INPP4B: variants seen among roughly 807,000 people sequenced by gnomAD.
INPP4B encodes inositol polyphosphate 4-phosphatase type II.
INPP4B carries 55 observed loss-of-function variants against 122.5 expected under a neutral mutation model. The observed-to-expected ratio is 0.45, with a 90% confidence interval of 0.36 to 0.56. The LOEUF is 0.56. Among genes scored for constraint, INPP4B ranks in the 20% least tolerant of loss-of-function variants. The pLI, the probability that INPP4B is intolerant of heterozygous loss-of-function variation, is 0.00. For synonymous variants in INPP4B, 403 were observed against 388.7 expected (o/e 1.04, Z -0.43); for missense variants, 1,000 against 1,097.7 (o/e 0.91, Z 1.26).
intron 2 of INPP4B, among the ~76,000 whole-genome samples, chr4:142,667,054 G>C (rs1461574588): frequency 6.6e-6 from 1 of 152,058 alleles, no homozygotes. Flanking sequence ...CTGTGGTCTG[G>C]CATTTGAAAG....
At chr4:142,354,194 T>G (rs1782839741) in intron 7 of INPP4B, among the ~76,000 whole-genome samples, 1 of 152,006 alleles carries the variant, frequency 6.6e-6, no homozygotes, top group African/African-American at 2.4e-5. Flanking sequence ...TCTAGCATAT[T>G]GGGTATCTTG....
rs1221470484 is a variant in INPP4B, at chr4:142,356,044, T to C, written c.373-41282A>G. Among the ~76,000 whole-genome samples, 2 of 151,510 alleles carry C rather than the reference T, an allele frequency of 1.3e-5. 1 individual carries two copies. Reference sequence around the variant, plus strand: ...TATGTAGTTTTATCCTCCCCAAATCTTTCATATTGATAAGGGCAAAAAATA... The same window carrying C: ...TATGTAGTTTTATCCTCCCCAAATCCTTCATATTGATAAGGGCAAAAAATA... On this transcript the variant is annotated intron_variant, in intron 7 of 25. Transcript: ENST00000262992.
At chr4:142,806,578 C>A (rs1049330528) in intron 1 of INPP4B, among the ~76,000 whole-genome samples, 3 of 150,128 alleles carry the variant, frequency 2.0e-5, no homozygotes, top group African/African-American at 7.4e-5. Context: ...CCCATCTCTA[C>A]AAAAAAATAC....
chr4:142,439,706 GC>G (rs1232614440), intron 3 of INPP4B, among the ~76,000 whole-genome samples: 1 of 152,148 alleles, frequency 6.6e-6, no homozygotes, highest in African/African-American at 2.4e-5. Context: ...TCAGCTTCTA[GC>G]CAAAATTTAA....
chr4:142,350,094 G>C (rs1312691078), intron 7 of INPP4B, among the ~76,000 whole-genome samples: 1 of 151,936 alleles, frequency 6.6e-6, no homozygotes, highest in East Asian at 1.9e-4. Context: ...ACATAAGAAA[G>C]AAAATTACCA....
At chr4:142,695,680 G>A (rs990432843) in intron 2 of INPP4B, among the ~76,000 whole-genome samples, 4 of 152,150 alleles carry the variant, frequency 2.6e-5, no homozygotes, top group Non-Finnish European at 4.4e-5. Flanking sequence ...CAACAGATAC[G>A]ATTTAATAAA....
intron 25 of INPP4B, chr4:142,029,911 T>A: frequency 6.5e-6 from 8 of 1,224,884 alleles, no homozygotes; most frequent in Non-Finnish European, 7.2e-6. Context: ...TTGAGCTAGT[T>A]AACAGTGGGA....
chr4:142,814,990 A>T (rs1301738076), intron 1 of INPP4B, among the ~76,000 whole-genome samples: 4 of 152,168 alleles, frequency 2.6e-5, no homozygotes, highest in African/African-American at 9.7e-5. Context: ...CTACCTTATC[A>T]GGTGATCAAG....
chr4:142,094,940 G>T (rs1490954146), intron 23 of INPP4B, among the ~76,000 whole-genome samples: 1 of 152,146 alleles, frequency 6.6e-6, no homozygotes, highest in African/African-American at 2.4e-5. Context: ...GAGGAAAGAG[G>T]TAATAAGAAT....
At chr4:142,402,422 T>C (rs1801931261) in intron 7 of INPP4B, among the ~76,000 whole-genome samples, 1 of 152,232 alleles carries the variant, frequency 6.6e-6, no homozygotes, top group African/African-American at 2.4e-5. Context: ...ACTGGGATTT[T>C]GCCTGGCCTT....
At chr4:142,035,742 G>T (rs1376039784) in intron 25 of INPP4B, among the ~76,000 whole-genome samples, 1 of 152,176 alleles carries the variant, frequency 6.6e-6, no homozygotes, top group Non-Finnish European at 1.5e-5. Context: ...TGGTTGCAAA[G>T]AATAGTTGAA....
At chr4:142,599,296 G>A (rs1739378243) in intron 2 of INPP4B, among the ~76,000 whole-genome samples, 1 of 152,116 alleles carries the variant, frequency 6.6e-6, no homozygotes, top group African/African-American at 2.4e-5. Context: ...TTAGCCCACT[G>A]CTGCCACCAA....
At chr4:142,751,029 A>C (rs1769609687) in intron 1 of INPP4B, among the ~76,000 whole-genome samples, 1 of 152,080 alleles carries the variant, frequency 6.6e-6, no homozygotes, top group African/African-American at 2.4e-5. Flanking sequence ...TTATTGTAGA[A>C]AGACCTAAGT....
chr4:142,251,576 C>T (rs778164322), intron 11 of INPP4B, among the ~76,000 whole-genome samples: 4 of 152,076 alleles, frequency 2.6e-5, no homozygotes. Context: ...GTACATACCC[C>T]ACAATATTAT....
chr4:142,835,309 G>A (rs1212278826), intron 1 of INPP4B, among the ~76,000 whole-genome samples: 3 of 152,112 alleles, frequency 2.0e-5, no homozygotes, highest in Non-Finnish European at 2.9e-5. Context: ...AGATAAATAA[G>A]TCTCAGCTTC....
chr4:142,637,258 T>C (rs1312229435), intron 2 of INPP4B, among the ~76,000 whole-genome samples: 3 of 152,194 alleles, frequency 2.0e-5, no homozygotes, highest in Non-Finnish European at 4.4e-5. Flanking sequence ...CTATGGGTTT[T>C]GACATATGTA....
At chr4:142,161,389 T>A (rs899308176) in intron 16 of INPP4B, among the ~76,000 whole-genome samples, 2 of 151,996 alleles carry the variant, frequency 1.3e-5, no homozygotes, top group Non-Finnish European at 2.9e-5. Flanking sequence ...TTAGCATGCA[T>A]GTGGCCTAAC....
chr4:142,752,826 C>T (rs963531985), intron 1 of INPP4B, among the ~76,000 whole-genome samples: 1 of 152,056 alleles, frequency 6.6e-6, no homozygotes, highest in Non-Finnish European at 1.5e-5. Context: ...CCTGAGAGGT[C>T]TTTGAAGAAA....
At chr4:142,283,251 G>C (rs1042440022) in intron 9 of INPP4B, among the ~76,000 whole-genome samples, 1 of 152,050 alleles carries the variant, frequency 6.6e-6, no homozygotes. Context: ...TTCCTACATG[G>C]GGAGATGGTG....
Sources: gnomAD v4.1 joint callset for allele counts (sites outside exome capture counted in the v4.1 genomes callset) on GRCh38, gnomAD v4.1.1 for gene constraint, MANE v1.5 for transcripts, NCBI Gene and HGNC (gene_info 2026-07-23, HGNC 2026-07-21) for gene names.